HEATR6: variants seen among roughly 807,000 people sequenced by gnomAD.
HEATR6 encodes HEAT repeat containing 6, also known as HEAT repeat-containing protein 6.
A neutral mutation model predicts 132.8 loss-of-function variants in HEATR6; 106 were observed. The ratio of observed to expected loss-of-function variants is 0.80; its 90% CI spans 0.68 to 0.94. HEATR6 has a LOEUF of 0.94. Among genes scored for constraint, HEATR6 ranks in the 40% least tolerant of loss-of-function variants. The pLI, the probability that HEATR6 is intolerant of heterozygous loss-of-function variation, is 0.00. For synonymous variants in HEATR6, 529 were observed against 537.8 expected (o/e 0.98, Z 0.23); for missense variants, 1,339 against 1,425.1 (o/e 0.94, Z 0.97).
chr17:60,062,640 T>C (rs1248928473), intron 9 of HEATR6, among the ~76,000 whole-genome samples: 1 of 152,198 alleles, frequency 6.6e-6, no homozygotes, highest in Non-Finnish European at 1.5e-5. Context: ...ACTGTTCACA[T>C]GTTATTTTAT....
At chr17:60,066,537 A>G in intron 8 of HEATR6, 151 bp from the exon 9 acceptor site, 1 of 639,514 alleles carries the variant, frequency 1.6e-6, no homozygotes, top group Non-Finnish European at 2.5e-6. Flanking sequence ...TCAATGTGTT[A>G]TTAAAAATTT....
At position 60,043,934 on chromosome 17, in the gene HEATR6, A is replaced by G. The variant is rs1906274403; in HGVS notation, c.3175T>C (p.Phe1059Leu). Residue 1059 changes from phenylalanine (F) to leucine (L), a missense_variant, in exon 20 of 20, where the codon TTT (phenylalanine) becomes CTT (leucine). Physicochemically the swap from Phe to Leu is conservative, Grantham distance 22. Coordinates refer to ENST00000184956, the MANE Select transcript of HEATR6 (RefSeq NM_022070.5). The stretch of plus-strand genomic sequence containing the variant: ...CTGACACAGTACTTGAATTCCAAAA[A>G]GTCTATGGTGTCTTCACTCTTCTGT... Reference protein sequence around the residue: ...ALQKSEDTIDFLEFKYCVSLR... With the variant: ...ALQKSEDTIDLLEFKYCVSLR... The G allele has an allele frequency of 6.2e-7, 1 of 1,613,970 alleles. No individual in the cohort carries two copies. Among genetic ancestry groups the G allele is most frequent in the Admixed American group, 1.7e-5 (1 of 60,002 alleles).
At chr17:60,044,375 A>T (rs2145176844) in intron 19 of HEATR6, among the ~76,000 whole-genome samples, 1 of 152,294 alleles carries the variant, frequency 6.6e-6, no homozygotes, top group South Asian at 2.1e-4. Flanking sequence ...ACACGCTTAG[A>T]GCCTCTGCTA....
chr17:60,069,770 C>T lies in HEATR6; in HGVS notation c.880G>A (p.Asp294Asn), dbSNP rs564661662. The change falls in exon 7 of 20, where the codon GAT becomes AAT. Residue 294 changes from aspartate to asparagine, a missense_variant. Coordinates refer to ENST00000184956, the MANE Select transcript of HEATR6 (RefSeq NM_022070.5). Reference protein sequence around the residue: ...VLYPTPLPQYDGRTPIKPQQS... With the variant: ...VLYPTPLPQYNGRTPIKPQQS... ...TGTGGTTTGATAGGTGTTCGCCCAT[C>T]ATACTGAGGAAGCGGAGTTGGGTAT... The T allele has an allele frequency of 1.9e-5, 30 of 1,614,058 alleles. No individual in the cohort carries two copies. The East Asian group carries it at 5.8e-4, about 31-fold the overall frequency.
At position 60,057,337 on chromosome 17, in the gene HEATR6, G is replaced by A. The variant is rs1280782668; in HGVS notation, c.1790C>T (p.Pro597Leu). ...GAIVSTHAPL[P>L]EVQLLLQQPC... ...CTGTTGCAGAAGTAGTTGGACTTCAGGTAAAGGTGCGTGGGTGGACACTAT... is the reference window on the plus strand; with the variant it reads ...CTGTTGCAGAAGTAGTTGGACTTCAAGTAAAGGTGCGTGGGTGGACACTAT... Residue 597 changes from proline to leucine, a missense_variant, in exon 12 of 20, where the codon CCT (proline) becomes CTT (leucine). By Grantham distance (98) the Pro-to-Leu change is moderately conservative. Coordinates refer to ENST00000184956, the MANE Select transcript of HEATR6 (RefSeq NM_022070.5). 10 of 1,613,984 alleles carry A rather than the reference G, an allele frequency of 6.2e-6. No homozygotes were observed. Among genetic ancestry groups the A allele is most frequent in the Non-Finnish European group, 8.5e-6 (10 of 1,180,000 alleles).
At chr17:60,059,296 A>T (rs1420934043) in intron 11 of HEATR6, 126 bp downstream of exon 11, 1 of 559,396 alleles carries the variant, frequency 1.8e-6, no homozygotes, top group East Asian at 3.2e-5. Flanking sequence ...GAGAAGAATA[A>T]GCAGAGATCT....
At chr17:60,052,528 TG>T (rs1388314128) in intron 14 of HEATR6, among the ~76,000 whole-genome samples, 1 of 152,190 alleles carries the variant, frequency 6.6e-6, no homozygotes, top group African/African-American at 2.4e-5. Context: ...AACCTAGTTC[TG>T]TCTGATAACA....
chr17:60,056,088 A>C (rs1394674000), intron 13 of HEATR6, 27 bp downstream of exon 13: 1 of 1,610,760 alleles, frequency 6.2e-7, no homozygotes, highest in Non-Finnish European at 8.5e-7. Context: ...GAGAAGGAAA[A>C]AGCATTGTGG....
rs575930846 is a variant in HEATR6 at position 60,048,127 on chromosome 17, T to C, written c.2672+137A>G. ...ATTAATTTTATTTTCTGAAGGAATA[T>C]CAAACAAAAAAAGCAGGAAGACTGA... On this transcript the variant is annotated intron_variant, in intron 17 of 19. Transcript: ENST00000184956. The C allele has an allele frequency of 6.3e-5, 48 of 759,692 alleles. No individual in the cohort carries two copies. The African/African-American group carries it at 8.0e-4, about 13-fold the overall frequency. 47.1% of individuals were successfully genotyped at this position (759,692 alleles called of 1,614,324 possible). A position where few individuals can be genotyped will look rare whatever the true frequency, so the allele number is the denominator to read the frequency against.
At chr17:60,044,970 T>G (rs1442774130) in intron 19 of HEATR6, among the ~76,000 whole-genome samples, 1 of 152,250 alleles carries the variant, frequency 6.6e-6, no homozygotes, top group Non-Finnish European at 1.5e-5. Context: ...TTGATAGCTC[T>G]GCTACTGGAT....
At chr17:60,071,161 T>C (rs988455538) in intron 5 of HEATR6, among the ~76,000 whole-genome samples, 1 of 152,184 alleles carries the variant, frequency 6.6e-6, no homozygotes, top group Non-Finnish European at 1.5e-5. Flanking sequence ...AGCTCTGTAA[T>C]ATGGCAAACC....
At position 60,069,854 on chromosome 17, in the gene HEATR6, A is replaced by G. The variant is rs1165675614; in HGVS notation, c.802-6T>C. On this transcript the variant is annotated splice_polypyrimidine_tract_variant and splice_region_variant and intron_variant, in intron 6 of 19. Transcript: ENST00000184956. Reference sequence around the variant, plus strand: ...AGTCCGTGAAACATGAATTTCTAATAATGATGAATAAGGACACACACACAC... The same window carrying G: ...AGTCCGTGAAACATGAATTTCTAATGATGATGAATAAGGACACACACACAC... 1.1e-5 allele frequency: 17 copies of G among 1,613,688 alleles called. No individual in the cohort carries two copies. Among genetic ancestry groups the G allele is most frequent in the Non-Finnish European group, 1.4e-5 (17 of 1,179,918 alleles).
chr17:60,056,267 A>C (rs749781400), intron 12 of HEATR6, 30 bp from the exon 13 acceptor site: 5 of 1,594,532 alleles, frequency 3.1e-6, no homozygotes, highest in Non-Finnish European at 4.3e-6. Context: ...TTAACCCTCT[A>C]AGACCTGAGT....
intron 8 of HEATR6, among the ~76,000 whole-genome samples, chr17:60,066,925 A>C (rs1315532774): frequency 3.3e-5 from 5 of 152,316 alleles, no homozygotes; most frequent in East Asian, 1.9e-4. Context: ...CAAGACGAAA[A>C]GGCAAAAAAG....
rs184372850 is a variant in HEATR6, at chr17:60,057,064, C to A, written c.2063G>T (p.Arg688Leu). ...AGSTYEPSPM[R>L]LEALQVLTLL... ...ATCTCCTACCTGTAAGGCCTCCAGT[C>A]GCATGGGGGATGGTTCGTAGGTGCT... The change falls in exon 12 of 20, where the codon CGA becomes CTA. Residue 688 changes from arginine to leucine, a missense_variant. Coordinates refer to ENST00000184956, the MANE Select transcript of HEATR6 (RefSeq NM_022070.5). The A allele has an allele frequency of 6.3e-7, 1 of 1,597,352 alleles. No individual in the cohort carries two copies. The highest frequency in any genetic ancestry group is 1.1e-5 in the South Asian group (1 of 89,386).
At chr17:60,052,750 G>A (rs887220594) in intron 14 of HEATR6, among the ~76,000 whole-genome samples, 3 of 152,120 alleles carry the variant, frequency 2.0e-5, no homozygotes, top group East Asian at 1.9e-4. Context: ...TTTTGGTGTG[G>A]TCACATGCCC....
intron 11 of HEATR6, 133 bp downstream of exon 11, chr17:60,059,286 GAGA>G: frequency 1.9e-6 from 1 of 531,734 alleles, no homozygotes; most frequent in Admixed American, 3.8e-5. Context: ...CTGAAAAGTT[GAGA>G]AGAATAAGCA....
intron 4 of HEATR6, 42 bp from the exon 5 acceptor site, chr17:60,072,371 T>C: frequency 8.7e-7 from 1 of 1,148,116 alleles, no homozygotes; most frequent in Non-Finnish European, 1.3e-6. Flanking sequence ...CAGTCTCCTT[T>C]AAAATGAGGC....
Position 60,046,244 on chromosome 17 carries a change from A to C in HEATR6, c.2770-15T>G. The C allele has an allele frequency of 6.4e-7, 1 of 1,574,730 alleles. No individual in the cohort carries two copies. The highest frequency in any genetic ancestry group is 8.6e-7 in the Non-Finnish European group (1 of 1,158,332). ...TTGCTTTTTACCTAGAAAAAATGTA[A>C]ATGCTTTAGAAATCTGTTTGGCCAA... On this transcript the variant is annotated splice_polypyrimidine_tract_variant and intron_variant, in intron 18 of 19. Transcript: ENST00000184956.
Sources: gnomAD v4.1 joint callset for allele counts (sites outside exome capture counted in the v4.1 genomes callset) on GRCh38, gnomAD v4.1.1 for gene constraint, MANE v1.5 for transcripts, NCBI Gene and HGNC (gene_info 2026-07-23, HGNC 2026-07-21) for gene names.